LCA5: variants seen among roughly 807,000 people sequenced by gnomAD.
The protein encoded by LCA5 is lebercilin LCA5.
Under a neutral mutation model 53.0 loss-of-function variants are expected in LCA5, and 37 were observed. The ratio of observed to expected loss-of-function variants is 0.70; its 90% CI spans 0.54 to 0.92. The LOEUF (loss-of-function observed/expected upper bound fraction) is 0.92. LCA5 is among the 40% of genes least tolerant of loss of function. LCA5 has a pLI of 0.00. For synonymous variants in LCA5, 303 were observed against 282.9 expected, an observed-to-expected ratio of 1.07 and a Z score of -0.71; for missense variants, 806 against 790.5, an observed-to-expected ratio of 1.02 and a Z score of -0.23.
chr6:79,493,593 A>T lies in LCA5; in HGVS notation c.858+20T>A, dbSNP rs1769898993. On this transcript the variant is annotated intron_variant, in intron 4 of 7. Coordinates refer to ENST00000369846, the MANE Select transcript of LCA5 (RefSeq NM_001122769.3). The stretch of plus-strand genomic sequence containing the variant: ...CGTCTAATACACATTATGGAAAACA[A>T]TGCAATTTAAAATACTTACCTTTAA... 4.4e-6 allele frequency: 7 copies of T among 1,602,342 alleles called. No individual in the cohort carries two copies. Among genetic ancestry groups the T allele is most frequent in the African/African-American group, 1.3e-5 (1 of 74,768 alleles).
chr6:79,516,456 T>C (rs938613786), intron 2 of LCA5, among the ~76,000 whole-genome samples: 52 of 152,116 alleles, frequency 3.4e-4, no homozygotes, highest in African/African-American at 1.1e-3. Flanking sequence ...CAACTTGTTT[T>C]ATATGAAAAG....
intron 5 of LCA5, among the ~76,000 whole-genome samples, chr6:79,492,151 T>G (rs1282622391): frequency 6.6e-6 from 1 of 151,962 alleles, no homozygotes; most frequent in African/African-American, 2.4e-5. Flanking sequence ...ACAGCTAAGA[T>G]TTACTTTATA....
At position 79,487,546 on chromosome 6, in the gene LCA5, ATC is replaced by A. The variant is rs767554181; in HGVS notation, c.1550_1551del (p.Arg517IlefsTer3). 3.1e-6 allele frequency: 5 copies of A among 1,613,832 alleles called. No individual in the cohort carries two copies. The South Asian group carries it at 4.4e-5, about 14-fold the overall frequency. ...KTYRFSESSERLFNGHHLQDI... is the reference protein window; with the variant it reads ...KTYRFSESSEXLFNGHHLQDI... ...TCTTGCAAATGATGCCCATTAAATA[ATC>A]TCTCTGAGGATTCAGAGAACCTGTA... On this transcript the variant is annotated frameshift_variant, in exon 8 of 8. Coordinates refer to ENST00000369846, the MANE Select transcript of LCA5 (RefSeq NM_001122769.3). LOFTEE classifies it low-confidence loss of function (END_TRUNC).
At chr6:79,506,189 A>T (rs72899963) in intron 3 of LCA5, among the ~76,000 whole-genome samples, 29,931 of 151,990 alleles carry the variant, frequency 0.2, 3,079 homozygotes, top group African/African-American at 0.25. Context: ...AGAAATTTTT[A>T]AAAAAGTCTT....
chr6:79,491,841 C>T (rs1769852964), intron 5 of LCA5, 111 bp from the exon 6 acceptor site: 8 of 825,712 alleles, frequency 9.7e-6, no homozygotes, highest in South Asian at 8.7e-5. Flanking sequence ...TATACATGTA[C>T]ATTTATATGC....
chr6:79,486,783 T>G lies in LCA5; in HGVS notation c.*221A>C. The G allele has an allele frequency of 2.2e-6, 1 of 457,776 alleles. No individual in the cohort carries two copies. The highest frequency in any genetic ancestry group is 3.8e-5 in the Admixed American group (1 of 26,082). The allele number at this position is 457,776 out of a possible 1,614,324, so 28.4% of individuals were successfully genotyped here. A position where few individuals can be genotyped will look rare whatever the true frequency, so the allele number is the denominator to read the frequency against. Reference sequence around the variant, plus strand: ...AATCTATTTCATTTTTCAAGACATATTTTTATTTTTGGTTTCATTCAAAAA... The same window carrying G: ...AATCTATTTCATTTTTCAAGACATAGTTTTATTTTTGGTTTCATTCAAAAA... On this transcript the variant is annotated 3_prime_UTR_variant, in exon 8 of 8. Transcript: ENST00000369846.
At chr6:79,535,623 T>G (rs1013421174) in intron 1 of LCA5, among the ~76,000 whole-genome samples, 2 of 152,116 alleles carry the variant, frequency 1.3e-5, no homozygotes, top group African/African-American at 4.8e-5. Context: ...GGTTCAATAT[T>G]GGACATACTG....
At chr6:79,524,072 C>T (rs891638859) in intron 1 of LCA5, among the ~76,000 whole-genome samples, 2 of 151,926 alleles carry the variant, frequency 1.3e-5, no homozygotes, top group African/African-American at 2.4e-5. Context: ...GTGGAAAAAA[C>T]GTTTCTTATA....
intron 5 of LCA5, 53 bp downstream of exon 5, chr6:79,492,498 A>T (rs1769871012): frequency 1.2e-6 from 1 of 824,950 alleles, no homozygotes; most frequent in African/African-American, 1.7e-5. Flanking sequence ...TTATTGTACT[A>T]TCACTAAATA....
chr6:79,506,546 T>G (rs115524449), intron 3 of LCA5, among the ~76,000 whole-genome samples: 1 of 152,280 alleles, frequency 6.6e-6, no homozygotes, highest in African/African-American at 2.4e-5. Flanking sequence ...GCCTTTACTT[T>G]CACCCCCTAT....
chr6:79,533,276 T>C lies in LCA5; in HGVS notation c.-192+3889A>G, dbSNP rs76253321. Among the ~76,000 whole-genome samples, 326 of 152,266 alleles carry C rather than the reference T, an allele frequency of 2.1e-3. 9 individuals are homozygous for C. The East Asian group carries it at 0.032, about 15-fold the overall frequency. On this transcript the variant is annotated intron_variant, in intron 1 of 7. Coordinates refer to ENST00000369846, the MANE Select transcript of LCA5 (RefSeq NM_001122769.3). Reference sequence around the variant, plus strand: ...AGATTAACAGGACACTGAAGATTTATAGTCCATGTGTAGTTCTGCAACTAA... The same window carrying C: ...AGATTAACAGGACACTGAAGATTTACAGTCCATGTGTAGTTCTGCAACTAA...
intron 6 of LCA5, 103 bp downstream of exon 6, chr6:79,491,485 A>G (rs1769839906): frequency 1.7e-6 from 2 of 1,188,962 alleles, no homozygotes; most frequent in Non-Finnish European, 1.3e-6. Context: ...ATTCATATAG[A>G]TATAGTACTA....
intron 3 of LCA5, among the ~76,000 whole-genome samples, chr6:79,510,297 G>C (rs1031227890): frequency 6.6e-6 from 1 of 152,038 alleles, no homozygotes; most frequent in Non-Finnish European, 1.5e-5. Flanking sequence ...CACATCCATA[G>C]GCCAAACAAA....
In LCA5 at chr6:79,487,414, T is replaced by C; in HGVS notation, c.1684A>G (p.Lys562Glu). Residue 562 changes from lysine to glutamate, a missense_variant, in exon 8 of 8, where the codon AAA becomes GAA. Transcript: ENST00000369846. ...AFGSYVPSFA[K>E]TSERSNPFSQ... Reference sequence around the variant, plus strand: ...AATGGATTTGACCTCTCTGATGTTTTTGCAAACGAAGGCACGTAGCTACCA... The same window carrying C: ...AATGGATTTGACCTCTCTGATGTTTCTGCAAACGAAGGCACGTAGCTACCA... The C allele has an allele frequency of 6.2e-7, 1 of 1,613,028 alleles. No individual in the cohort carries two copies. Among genetic ancestry groups the C allele is most frequent in the Non-Finnish European group, 8.5e-7 (1 of 1,179,542 alleles).
intron 1 of LCA5, among the ~76,000 whole-genome samples, chr6:79,531,950 T>C (rs901864151): frequency 6.6e-6 from 1 of 152,192 alleles, no homozygotes; most frequent in Non-Finnish European, 1.5e-5. Flanking sequence ...TCCACATTCA[T>C]ATATTCACCT....
At chr6:79,488,032 G>A (rs558267126) in intron 7 of LCA5, 166 bp from the exon 8 acceptor site, 154 of 622,970 alleles carry the variant, frequency 2.5e-4, no homozygotes, top group Admixed American at 9.2e-4. Flanking sequence ...TGGGATTAGA[G>A]AATAATATAT....
At chr6:79,489,590 G>A (rs1769780109) in intron 6 of LCA5, among the ~76,000 whole-genome samples, 1 of 152,098 alleles carries the variant, frequency 6.6e-6, no homozygotes. Context: ...TGTGCATCAA[G>A]TGAGATGCTG....
In LCA5 at chr6:79,487,690, T is replaced by C. The variant is rs755507213; in HGVS notation, c.1408A>G (p.Lys470Glu). ...AGTTCTCTGTCAATTTCATTCAGTT[T>C]AGCAAGTAGCATTTCTCTCTTCAGT... Reference protein sequence around the residue: ...ERLKREMLLAKLNEIDRELQD... With the variant: ...ERLKREMLLAELNEIDRELQD... The change falls in exon 8 of 8, where the codon AAA becomes GAA. Residue 470 changes from lysine to glutamate, a missense_variant. By Grantham distance (56) the Lys-to-Glu change is moderately conservative. Coordinates refer to ENST00000369846, the MANE Select transcript of LCA5 (RefSeq NM_001122769.3). 8 of 1,613,892 alleles carry C rather than the reference T, an allele frequency of 5.0e-6. No homozygotes were observed. Among genetic ancestry groups the C allele is most frequent in the East Asian group, 2.2e-5 (1 of 44,874 alleles).
At chr6:79,511,273 A>G (rs1770402704) in intron 3 of LCA5, among the ~76,000 whole-genome samples, 1 of 152,210 alleles carries the variant, frequency 6.6e-6, no homozygotes, top group Non-Finnish European at 1.5e-5. Flanking sequence ...ATAATACTCC[A>G]TAGTACATCC....
Sources: allele counts gnomAD v4.1 joint callset (sites outside exome capture counted in the v4.1 genomes callset), GRCh38; gene constraint gnomAD v4.1.1; transcripts MANE v1.5; gene names NCBI Gene and HGNC (gene_info 2026-07-23, HGNC 2026-07-21).